Variants in INSR observed in about 807,000 individuals in gnomAD.
The protein encoded by INSR is IR.
Under a neutral mutation model 142.6 loss-of-function variants are expected in INSR, and 67 were observed. That is an observed-to-expected ratio of 0.47 (90% CI 0.39 to 0.58). INSR has a LOEUF of 0.58. Among genes scored for constraint, INSR ranks in the 20% least tolerant of loss-of-function variants. The pLI is 0.00. For missense variants in INSR, 1,248 were observed against 1,833.2 expected, an observed-to-expected ratio of 0.68 and a Z score of 5.83; for synonymous variants, 756 against 743.1, an observed-to-expected ratio of 1.02 and a Z score of -0.28.
At chr19:7,200,825 A>G (rs940252447) in intron 2 of INSR, among the ~76,000 whole-genome samples, 3 of 144,152 alleles carry the variant, frequency 2.1e-5, no homozygotes, top group Non-Finnish European at 3.0e-5. Flanking sequence ...ACGCCACTGC[A>G]CTCCAGCCTG....
chr19:7,149,862 C>G, intron 11 of INSR, among the ~76,000 whole-genome samples: 1 of 137,422 alleles, frequency 7.3e-6, no homozygotes. Flanking sequence ...GAGGGAGGGA[C>G]GGACGGAGGG....
At chr19:7,215,682 C>T (rs1363100910) in intron 2 of INSR, among the ~76,000 whole-genome samples, 6 of 152,062 alleles carry the variant, frequency 3.9e-5, no homozygotes, top group Admixed American at 3.9e-4. Context: ...ATTCTCCTGC[C>T]TCAGTCTCCC....
At chr19:7,240,108 T>A (rs2145148361) in intron 2 of INSR, among the ~76,000 whole-genome samples, 1 of 152,228 alleles carries the variant, frequency 6.6e-6, no homozygotes, top group South Asian at 2.1e-4. Flanking sequence ...ACGTGCAAAA[T>A]ACACAATGGC....
intron 1 of INSR, among the ~76,000 whole-genome samples, chr19:7,285,681 A>G (rs1968328939): frequency 6.6e-6 from 1 of 152,124 alleles, no homozygotes; most frequent in African/African-American, 2.4e-5. Context: ...AAAATATGGG[A>G]TCTGGGAATG....
intron 2 of INSR, among the ~76,000 whole-genome samples, chr19:7,266,383 C>CTTT (rs746892721): frequency 2.4e-5 from 3 of 123,272 alleles, no homozygotes; most frequent in East Asian, 2.3e-4. Context: ...TAGAAATTAT[C>CTTT]TTTTTTTTTT....
Position 7,225,184 on chromosome 19 carries a change from G to A in INSR, c.653-40547C>T, listed in dbSNP as rs1433685975. ...CCCATTTTACAGAGGAGAAGACTGA[G>A]GCACAGAGAGGTTCAGTAACCTGCC... On this transcript the variant is annotated intron_variant, in intron 2 of 21. Coordinates refer to ENST00000302850, the MANE Select transcript of INSR (RefSeq NM_000208.4). The surrounding 1 kb of genome is among the most constrained non-coding windows in gnomAD (Gnocchi z 4.7). Among the ~76,000 whole-genome samples the A allele has an allele frequency of 6.6e-6, 1 of 152,142 alleles. No individual in the cohort carries two copies. Among genetic ancestry groups the A allele is most frequent in the Admixed American group, 6.5e-5 (1 of 15,272 alleles).
rs956665278 is a variant in INSR, at chr19:7,125,849, A to C, written c.3014-322T>G. Among the ~76,000 whole-genome samples the C allele has an allele frequency of 6.6e-6, 1 of 152,016 alleles. No individual in the cohort carries two copies. The highest frequency in any genetic ancestry group is 2.4e-5 in the African/African-American group (1 of 41,386). On this transcript the variant is annotated intron_variant, in intron 16 of 21. Transcript: ENST00000302850. This position sits in a 1 kb window ranked among gnomAD's most constrained non-coding sequence, Gnocchi z 4.9. Reference sequence around the variant, plus strand: ...GGAATGATGCTACTTCCCACCTGAGACTACTGTTTCTGCAAAGTGCCAAGG... The same window carrying C: ...GGAATGATGCTACTTCCCACCTGAGCCTACTGTTTCTGCAAAGTGCCAAGG...
At chr19:7,220,352 G>A (rs1408425467) in intron 2 of INSR, among the ~76,000 whole-genome samples, 2 of 152,158 alleles carry the variant, frequency 1.3e-5, no homozygotes, top group Non-Finnish European at 2.9e-5. Flanking sequence ...GTGCAGTGGT[G>A]CGATCTTGGC....
At chr19:7,268,535 CA>C in intron 1 of INSR, 1 of 985,330 alleles carries the variant, frequency 1.0e-6, no homozygotes, top group Non-Finnish European at 1.2e-6. Flanking sequence ...CATCATCCTG[CA>C]CTTCCCTCAA....
chr19:7,285,613 G>T (rs903177609), intron 1 of INSR, among the ~76,000 whole-genome samples: 1 of 152,000 alleles, frequency 6.6e-6, no homozygotes, highest in Admixed American at 6.6e-5. Context: ...TCCAGCCTGG[G>T]TATCAGAGCA....
At chr19:7,149,679 G>A (rs1973276325) in intron 11 of INSR, among the ~76,000 whole-genome samples, 1 of 151,966 alleles carries the variant, frequency 6.6e-6, no homozygotes, top group African/African-American at 2.4e-5. Flanking sequence ...AAAATTAGCC[G>A]GGCGTGGTGG....
intron 1 of INSR, among the ~76,000 whole-genome samples, chr19:7,291,202 G>T (rs571245347): frequency 2.0e-5 from 3 of 152,154 alleles, no homozygotes; most frequent in East Asian, 1.9e-4. Flanking sequence ...CCCCAATCGT[G>T]GGGGGTACGG....
In INSR at chr19:7,211,564, G is replaced by T. The variant is rs3745547; in HGVS notation, c.653-26927C>A. Among the ~76,000 whole-genome samples, 50 of 152,168 alleles carry T rather than the reference G, an allele frequency of 3.3e-4. 1 individual carries two copies. In the East Asian group the frequency reaches 9.5e-3, roughly 29 times the overall value. On this transcript the variant is annotated intron_variant, in intron 2 of 21. Coordinates refer to ENST00000302850, the MANE Select transcript of INSR (RefSeq NM_000208.4). ...AGGTAAGTTCCAGATTTTATTATTA[G>T]TAACAAATTAAATTGACTAACAACA...
intron 2 of INSR, among the ~76,000 whole-genome samples, chr19:7,257,739 T>C (rs1428541258): frequency 6.6e-6 from 1 of 150,744 alleles, no homozygotes; most frequent in Non-Finnish European, 1.5e-5. Flanking sequence ...AGGAAGGAAG[T>C]ACCAGCAAAG....
chr19:7,276,512 T>C (rs1234235139), intron 1 of INSR, among the ~76,000 whole-genome samples: 1 of 151,970 alleles, frequency 6.6e-6, no homozygotes, highest in Non-Finnish European at 1.5e-5. Context: ...CCACATTCTT[T>C]CCAGTCCTCA....
intron 1 of INSR, among the ~76,000 whole-genome samples, chr19:7,270,369 ACACACACACACT>A (rs1967885392): frequency 6.6e-6 from 1 of 151,290 alleles, no homozygotes; most frequent in African/African-American, 2.4e-5. Context: ...ACACACACAC[ACACACACACACT>A]GCAGGTAGAA....
chr19:7,120,148 AT>A (rs1972455387), intron 20 of INSR, among the ~76,000 whole-genome samples: 1 of 152,222 alleles, frequency 6.6e-6, no homozygotes, highest in African/African-American at 2.4e-5. Flanking sequence ...GGAGAGGCGC[AT>A]CAGAAACTCA....
In INSR at chr19:7,144,583, T is replaced by TA. The variant is rs530559121; in HGVS notation, c.2268-1494dup. On this transcript the variant is annotated intron_variant, in intron 11 of 21. Transcript: ENST00000302850. Reference sequence around the variant, plus strand: ...CATGCCCAGCTAATTTTTGTATTTTTAGTAGAGACGGAGTTTCGCCATGTT... The same window carrying TA: ...CATGCCCAGCTAATTTTTGTATTTTTAAGTAGAGACGGAGTTTCGCCATGTT... 3.5e-3 allele frequency among the ~76,000 whole-genome samples: 529 copies of TA among 152,264 alleles called. 12 individuals carry two copies. Among genetic ancestry groups the TA allele is most frequent in the Admixed American group, 0.03 (457 of 15,292 alleles).
At chr19:7,221,588 A>G (rs995802523) in intron 2 of INSR, among the ~76,000 whole-genome samples, 1 of 151,800 alleles carries the variant, frequency 6.6e-6, no homozygotes. Flanking sequence ...CACGTCTGTA[A>G]TCCCAGCTAC....
Sources: gnomAD v4.1 joint callset for allele counts (sites outside exome capture counted in the v4.1 genomes callset) on GRCh38, gnomAD v4.1.1 for gene constraint, Gnocchi (gnomAD v3.1) non-coding constraint, MANE v1.5 for transcripts, NCBI Gene and HGNC (gene_info 2026-07-23, HGNC 2026-07-21) for gene names.